IL1RAPL1: variants seen among roughly 807,000 people sequenced by gnomAD.
IL1RAPL1 encodes the protein interleukin-1 receptor accessory protein-like 1.
IL1RAPL1 carries 3 observed loss-of-function variants against 48.4 expected under a neutral mutation model. The observed-to-expected ratio is 0.06, with a 90% CI of 0.03 to 0.16. The LOEUF is 0.16. Ranked by LOEUF, IL1RAPL1 falls within the 10% of genes least tolerant of loss-of-function variation. The pLI, the probability that IL1RAPL1 is intolerant of heterozygous loss-of-function variation, is 1.00. For missense variants in IL1RAPL1, 349 were observed against 530.6 expected, an observed-to-expected ratio of 0.66 and a Z score of 3.36; for synonymous variants, 185 against 187.7, an observed-to-expected ratio of 0.99 and a Z score of 0.12.
At chrX:29,350,603 C>T (rs186641249) in intron 3 of IL1RAPL1, among the ~76,000 whole-genome samples, 50 of 793 alleles carry the variant, frequency 0.063, no homozygotes, top group Admixed American at 0.32. Context: ...TGTGTGTGTG[C>T]GTGTGCATGC....
intron 2 of IL1RAPL1, among the ~76,000 whole-genome samples, chrX:29,267,199 A>G (rs1287760454): frequency 8.9e-6 from 1 of 111,923 alleles, no homozygotes; most frequent in Non-Finnish European, 1.9e-5. Context: ...AGAATGCATG[A>G]TTAATCTCAA....
intron 6 of IL1RAPL1, among the ~76,000 whole-genome samples, chrX:29,848,451 C>A (rs540882606): frequency 2.7e-3 from 261 of 97,544 alleles, no homozygotes; most frequent in African/African-American, 0.011. Context: ...AAAAAAAAAA[C>A]ATCCTATTAT....
intron 6 of IL1RAPL1, among the ~76,000 whole-genome samples, chrX:29,837,273 ATATATAT>A (rs1386441784): frequency 1.7e-5 from 1 of 59,340 alleles, no homozygotes; most frequent in African/African-American, 6.9e-5. Flanking sequence ...AAAAAAAAAA[ATATATAT>A]ATATATATAT....
At chrX:29,285,614 G>A (rs1425251244) in intron 3 of IL1RAPL1, among the ~76,000 whole-genome samples, 1 of 98,732 alleles carries the variant, frequency 1.0e-5, no homozygotes, top group Non-Finnish European at 2.0e-5. Context: ...CCAAAATGAT[G>A]ACACTTGCCA....
At chrX:29,754,269 C>G (rs1928559602) in intron 6 of IL1RAPL1, among the ~76,000 whole-genome samples, 1 of 111,677 alleles carries the variant, frequency 9.0e-6, no homozygotes, top group South Asian at 3.7e-4. Context: ...ATCTGTCATT[C>G]AAAACTGGCT....
At chrX:29,855,103 G>A (rs1931451925) in intron 6 of IL1RAPL1, among the ~76,000 whole-genome samples, 1 of 111,496 alleles carries the variant, frequency 9.0e-6, no homozygotes, top group African/African-American at 3.3e-5. Context: ...GGAATTTGGG[G>A]GATTAGTATC....
At chrX:29,334,761 G>A (rs1451733200) in intron 3 of IL1RAPL1, among the ~76,000 whole-genome samples, 55 of 105,325 alleles carry the variant, frequency 5.2e-4, no homozygotes, top group Middle Eastern at 5.3e-3. Flanking sequence ...ATGGGATGGC[G>A]GCCGGGCAGA....
chrX:29,653,305 A>G (rs1925571826), intron 5 of IL1RAPL1, among the ~76,000 whole-genome samples: 1 of 111,959 alleles, frequency 8.9e-6, no homozygotes, highest in Non-Finnish European at 1.9e-5. Flanking sequence ...AGTAATTTCT[A>G]ACATTTTGCA....
intron 2 of IL1RAPL1, among the ~76,000 whole-genome samples, chrX:28,932,086 A>G (rs930277670): frequency 1.8e-5 from 2 of 110,674 alleles, no homozygotes; most frequent in Non-Finnish European, 3.8e-5. Flanking sequence ...AAATAAAGTT[A>G]GGTTTGCATA....
At chrX:29,112,793 GT>G (rs774106013) in intron 2 of IL1RAPL1, among the ~76,000 whole-genome samples, 11,773 of 71,119 alleles carry the variant, frequency 0.17, 918 homozygotes, top group African/African-American at 0.29. Context: ...GTCAACTTTG[GT>G]TTTTTTTTTT....
intron 2 of IL1RAPL1, among the ~76,000 whole-genome samples, chrX:29,140,535 CTG>C (rs1347804955): frequency 8.9e-6 from 1 of 112,055 alleles, no homozygotes; most frequent in Admixed American, 9.5e-5. Flanking sequence ...TAAGCAGAAA[CTG>C]TGAATGAAAC....
intron 6 of IL1RAPL1, among the ~76,000 whole-genome samples, chrX:29,902,061 T>C (rs1273831396): frequency 8.9e-6 from 1 of 112,030 alleles, no homozygotes; most frequent in African/African-American, 3.2e-5. Context: ...ACAATGGCTG[T>C]ACTTTCTGCC....
chrX:29,306,246 G>A (rs1602161360), intron 3 of IL1RAPL1, among the ~76,000 whole-genome samples: 1 of 111,675 alleles, frequency 9.0e-6, no homozygotes, highest in Admixed American at 9.5e-5. Context: ...GATATTTATG[G>A]GGGGCCGGGC....
chrX:29,454,898 T>A (rs976024468), intron 5 of IL1RAPL1, among the ~76,000 whole-genome samples: 9 of 109,853 alleles, frequency 8.2e-5, no homozygotes, highest in Non-Finnish European at 1.1e-4. Context: ...GTTCCATGTC[T>A]TCAGTGTGGA....
At chrX:28,762,958 C>A (rs1018102161) in intron 1 of IL1RAPL1, among the ~76,000 whole-genome samples, 1 of 110,700 alleles carries the variant, frequency 9.0e-6, no homozygotes, top group Non-Finnish European at 1.9e-5. Flanking sequence ...GCTTTTTATG[C>A]CAGCTTTACA....
rs745838199 is a variant in IL1RAPL1, at chrX:28,612,540, C to G, written c.-25+24493C>G. Among the ~76,000 whole-genome samples, 140 of 111,991 alleles carry G rather than the reference C, an allele frequency of 1.3e-3. 1 individual carries two copies. The highest frequency in any genetic ancestry group is 4.4e-3 in the African/African-American group (136 of 30,842). ...CAGGAATAGGGCCAGAGTAGCACCC[C>G]CTAAAGGGAGGGGCAGGAAACAGGT... On this transcript the variant is annotated intron_variant, in intron 1 of 10. Coordinates refer to ENST00000378993, the MANE Select transcript of IL1RAPL1 (RefSeq NM_014271.4).
At chrX:29,862,123 G>A (rs980967809) in intron 6 of IL1RAPL1, among the ~76,000 whole-genome samples, 1 of 107,175 alleles carries the variant, frequency 9.3e-6, no homozygotes, top group Non-Finnish European at 1.9e-5. Flanking sequence ...CACACCAACT[G>A]CAGTCCAGCC....
chrX:29,208,027 C>T (rs769834271), intron 2 of IL1RAPL1, among the ~76,000 whole-genome samples: 51 of 111,734 alleles, frequency 4.6e-4, no homozygotes, highest in Non-Finnish European at 7.1e-4. Context: ...ACTTGCCTCT[C>T]AGTGGACTAT....
At chrX:29,920,834 AAAAGAG>A (rs1932841867) in intron 8 of IL1RAPL1, among the ~76,000 whole-genome samples, 1 of 98,226 alleles carries the variant, frequency 1.0e-5, no homozygotes, top group Non-Finnish European at 2.1e-5. Context: ...GAAAAGAAAG[AAAAGAG>A]AAAAAAAAAA....
Sources: allele counts gnomAD v4.1 joint callset (sites outside exome capture counted in the v4.1 genomes callset), GRCh38; gene constraint gnomAD v4.1.1; transcripts MANE v1.5; gene names NCBI Gene and HGNC (gene_info 2026-07-23, HGNC 2026-07-21).